Variants in KIF12 observed in about 807,000 individuals in gnomAD.
The protein encoded by KIF12 is kinesin family member 12, also known as kinesin-like protein KIF12.
Under a neutral mutation model 87.9 loss-of-function variants are expected in KIF12, and 80 were observed. That is an observed-to-expected ratio of 0.91 (90% confidence interval 0.76 to 1.10). The LOEUF is 1.10. KIF12 is among the 50% of genes least tolerant of loss of function. The pLI is 0.00. For missense variants in KIF12, 819 were observed against 865.3 expected (o/e 0.95, Z 0.67); for synonymous variants, 353 against 348.5 (o/e 1.01, Z -0.14).
chr9:114,098,457 G>GCACTCTGGAGGAGGGCGGGA, intron 3 of KIF12, 28 bp from the exon 4 acceptor site: 1 of 1,481,822 alleles, frequency 6.7e-7, no homozygotes, highest in Non-Finnish European at 8.9e-7. Flanking sequence ...GAGGAGCGGG[G>GCACTCTGGAGGAGGGCGGGA]CACTCTGGAG....
rs985225646 is a variant in KIF12, at chr9:114,093,221, T to C, written c.1596+8A>G. 2 of 1,549,104 alleles carry C rather than the reference T, an allele frequency of 1.3e-6. No homozygotes were observed. Among genetic ancestry groups the C allele is most frequent in the Non-Finnish European group, 1.7e-6 (2 of 1,144,718 alleles). The stretch of plus-strand genomic sequence containing the variant: ...GCCTTCCCTCACTCCCACCATGGCC[T>C]TTCCTACCTGGGGCAGGTGGTGCTC... On this transcript the variant is annotated splice_region_variant and intron_variant, in intron 16 of 18. Transcript: ENST00000640217.
In KIF12 at chr9:114,094,476, A is replaced by G. The variant is rs745813229; in HGVS notation, c.1120-21T>C. Reference sequence around the variant, plus strand: ...GGAGACTGTAGGGAAAGAGGCCCAGAGCCACCTTTATGGTTGTATAAGTCG... The same window carrying G: ...GGAGACTGTAGGGAAAGAGGCCCAGGGCCACCTTTATGGTTGTATAAGTCG... On this transcript the variant is annotated intron_variant, in intron 11 of 18. Transcript: ENST00000640217. 5.4e-6 allele frequency: 8 copies of G among 1,477,640 alleles called. No homozygotes were observed. The Admixed American group carries it at 1.2e-4, about 22-fold the overall frequency. The allele number at this position is 1,477,640 out of a possible 1,614,324, so 91.5% of individuals were successfully genotyped here. A position where few individuals can be genotyped will look rare whatever the true frequency, so the allele number is the denominator to read the frequency against.
rs776099603 is a variant in KIF12, at chr9:114,097,439, G to T, written c.511-3C>A. ...CCCAGGCTCAGCAAGTCCCGAACCTGGGAGGGGAGGGAGGAGGGTGAGGGA... is the reference window on the plus strand; with the variant it reads ...CCCAGGCTCAGCAAGTCCCGAACCTTGGAGGGGAGGGAGGAGGGTGAGGGA... On this transcript the variant is annotated splice_polypyrimidine_tract_variant and splice_region_variant and intron_variant, in intron 6 of 18. Transcript: ENST00000640217. 6.3e-7 allele frequency: 1 copy of T among 1,586,778 alleles called. No individual in the cohort carries two copies. Among genetic ancestry groups the T allele is most frequent in the South Asian group, 1.1e-5 (1 of 87,488 alleles).
rs1196877659 is a variant in KIF12, at chr9:114,093,448, G to A, written c.1450C>T (p.Pro484Ser). Reference protein sequence around the residue: ...YHHQQGPGLTPPCPCLMAPAP... With the variant: ...YHHQQGPGLTSPCPCLMAPAP... ...GGGGCCATCAAGCAGGGACACGGTG[G>A]GGTCAGGCCAGGACCCTGCTGGTGA... The change falls in exon 15 of 19, where the codon CCA becomes TCA. Residue 484 changes from proline (P) to serine (S), a missense_variant. By Grantham distance (74) the Pro-to-Ser change is moderately conservative (BLOSUM62 -1). Transcript: ENST00000640217. The A allele has an allele frequency of 6.4e-7, 1 of 1,570,436 alleles. No homozygotes were observed. Among genetic ancestry groups the A allele is most frequent in the Non-Finnish European group, 8.6e-7 (1 of 1,157,430 alleles).
chr9:114,096,284 T>C (rs1847225984), intron 8 of KIF12, 77 bp from the exon 9 acceptor site: 2 of 1,603,490 alleles, frequency 1.2e-6, no homozygotes, highest in Admixed American at 1.7e-5. Context: ...ACCAAGAGTT[T>C]CCATTATTAA....
chr9:114,093,609 C>T, intron 14 of KIF12, 112 bp from the exon 15 acceptor site: 3 of 927,080 alleles, frequency 3.2e-6, no homozygotes. Flanking sequence ...TACCGGGCCC[C>T]ATTCTCAAAG....
At chr9:114,093,721 G>A (rs973104675) in intron 14 of KIF12, among the ~76,000 whole-genome samples, 165 bp downstream of exon 14, 1 of 152,250 alleles carries the variant, frequency 6.6e-6, no homozygotes, top group Non-Finnish European at 1.5e-5. Flanking sequence ...GCAGTGAGAA[G>A]TTAAATGACT....
At chr9:114,098,245 G>T in intron 4 of KIF12, 55 bp from the exon 5 acceptor site, 3 of 1,521,906 alleles carry the variant, frequency 2.0e-6, no homozygotes, top group Non-Finnish European at 2.6e-6. Context: ...GTGGGGGCTG[G>T]GGGTGCTTCG....
rs541326702 is a variant in KIF12, at chr9:114,092,360, G to A, written c.1789C>T (p.Pro597Ser). The A allele has an allele frequency of 3.1e-6, 5 of 1,603,144 alleles. No homozygotes were observed. The highest frequency in any genetic ancestry group is 1.3e-5 in the African/African-American group (1 of 74,392). Reference sequence around the variant, plus strand: ...CTGAGCCCTGGTGATGTCTTCGGGGGCCTCACAGGCAGGGGAGGTGCAGAA... The same window carrying A: ...CTGAGCCCTGGTGATGTCTTCGGGGACCTCACAGGCAGGGGAGGTGCAGAA... ...VPSAPPLPVR[P>S]PKTSPGLRGG... The change falls in exon 18 of 19, where the codon CCC becomes TCC. Residue 597 changes from proline to serine, a missense_variant. Physicochemically the swap from Pro to Ser is moderately conservative, Grantham distance 74 (BLOSUM62 -1). Coordinates refer to ENST00000640217, the MANE Select transcript of KIF12 (RefSeq NM_001388308.1).
chr9:114,097,482 C>T, intron 6 of KIF12, 46 bp from the exon 7 acceptor site: 1 of 1,572,874 alleles, frequency 6.4e-7, no homozygotes, highest in Non-Finnish European at 8.6e-7. Flanking sequence ...CTTTCTGAGT[C>T]CACCCATCCC....
Position 114,092,432 on chromosome 9 carries a change from G to C in KIF12, c.1717C>G (p.Gln573Glu). The C allele has an allele frequency of 6.2e-7, 1 of 1,613,722 alleles. No homozygotes were observed. Among genetic ancestry groups the C allele is most frequent in the Non-Finnish European group, 8.5e-7 (1 of 1,179,884 alleles). ...PRERSHSDWT[Q>E]TRVLAEMLTE... ...AACATCTCTGCCAGGACTCGGGTCTGAGTCCAGTCACTGTGACTCCTGGGC... is the reference window on the plus strand; with the variant it reads ...AACATCTCTGCCAGGACTCGGGTCTCAGTCCAGTCACTGTGACTCCTGGGC... The change falls in exon 18 of 19, where the codon CAG becomes GAG. Residue 573 changes from glutamine (Q) to glutamate (E), a missense_variant. Transcript: ENST00000640217.
Position 114,096,385 on chromosome 9 carries a change from A to G in KIF12, c.738+2T>C. On this transcript the variant is annotated splice_donor_variant, in intron 8 of 18. Transcript: ENST00000640217. LOFTEE classifies it high-confidence loss of function. ...AGCACCTTCCCAGGCTGGAGCACTC[A>G]CAGTTTGACGGCTGATGTAAAGGGT... The G allele has an allele frequency of 6.2e-7, 1 of 1,612,124 alleles. No individual in the cohort carries two copies. The highest frequency in any genetic ancestry group is 8.5e-7 in the Non-Finnish European group (1 of 1,179,208).
chr9:114,098,230 C>G lies in KIF12; in HGVS notation c.300-40G>C, dbSNP rs1160169570. ...GGCGTGGCTGGACTCCGGCGGCTAC[C>G]CGGGGTGGGGGCTGGGGGTGCTTCG... is the stretch of plus-strand genomic sequence containing the variant. On this transcript the variant is annotated intron_variant, in intron 4 of 18. Transcript: ENST00000640217. 4 of 1,520,226 alleles carry G rather than the reference C, an allele frequency of 2.6e-6. No homozygotes were observed. The Admixed American group carries it at 8.2e-5, about 31-fold the overall frequency. The allele number at this position is 1,520,226 out of a possible 1,614,324, so 94.2% of individuals were successfully genotyped here.
chr9:114,098,246 G>T (rs915351208), intron 4 of KIF12, 56 bp from the exon 5 acceptor site: 1 of 1,521,730 alleles, frequency 6.6e-7, no homozygotes, highest in African/African-American at 1.4e-5. Flanking sequence ...TGGGGGCTGG[G>T]GGTGCTTCGG....
In KIF12 at chr9:114,093,011, C is replaced by T. The variant is rs554935082; in HGVS notation, c.1596+218G>A. The T allele has an allele frequency of 7.8e-6, 10 of 1,283,316 alleles. No homozygotes were observed. The East Asian group carries it at 1.3e-4, about 16-fold the overall frequency. 79.5% of individuals were successfully genotyped at this position (1,283,316 alleles called of 1,614,324 possible). On this transcript the variant is annotated intron_variant, in intron 16 of 18. Transcript: ENST00000640217. ...TGTGAGTGAATGAATAAGTGAATGA[C>T]AGAATGAATTCCTGGCCCTGACAGG... is the stretch of plus-strand genomic sequence containing the variant.
intron 9 of KIF12, among the ~76,000 whole-genome samples, chr9:114,095,540 A>G (rs1847187085): frequency 6.6e-6 from 1 of 152,204 alleles, no homozygotes; most frequent in Non-Finnish European, 1.5e-5. Context: ...CCTGACCCTC[A>G]ATGCCCAGCA....
rs774913341 is a variant in KIF12, at chr9:114,097,260, G to A, written c.646+41C>T. The A allele has an allele frequency of 5.6e-6, 9 of 1,594,380 alleles. No individual in the cohort carries two copies. In the Admixed American group the frequency reaches 1.7e-4, roughly 30 times the overall value. On this transcript the variant is annotated intron_variant, in intron 7 of 18. Transcript: ENST00000640217. Reference sequence around the variant, plus strand: ...CACACTCAGTGAACAACTGAGGAATGGGCACCCCTACCCGCAAAACTCCCC... The same window carrying A: ...CACACTCAGTGAACAACTGAGGAATAGGCACCCCTACCCGCAAAACTCCCC...
rs1222791389 is a variant in KIF12, at chr9:114,096,380, C to T, written c.738+7G>A. The stretch of plus-strand genomic sequence containing the variant: ...GGGTAAGCACCTTCCCAGGCTGGAG[C>T]ACTCACAGTTTGACGGCTGATGTAA... On this transcript the variant is annotated splice_region_variant and intron_variant, in intron 8 of 18. Coordinates refer to ENST00000640217, the MANE Select transcript of KIF12 (RefSeq NM_001388308.1). 2.5e-6 allele frequency: 4 copies of T among 1,611,470 alleles called. No homozygotes were observed. The highest frequency in any genetic ancestry group is 2.2e-5 in the South Asian group (2 of 90,366).
rs552884098 is a variant in KIF12 at position 114,096,889 on chromosome 9, T to C, written c.647-411A>G. Among the ~76,000 whole-genome samples the C allele has an allele frequency of 2.6e-5, 4 of 152,294 alleles. No homozygotes were observed. In the South Asian group the frequency reaches 8.3e-4, roughly 32 times the overall value. On this transcript the variant is annotated intron_variant, in intron 7 of 18. Coordinates refer to ENST00000640217, the MANE Select transcript of KIF12 (RefSeq NM_001388308.1). ...AAAAAAGAATGAGGCTGAAAGGGCC[T>C]TTAGGCTAGGCTAAGAGGTATGACC...
Sources: gnomAD v4.1 joint callset for allele counts (sites outside exome capture counted in the v4.1 genomes callset) on GRCh38, gnomAD v4.1.1 for gene constraint, MANE v1.5 for transcripts, NCBI Gene and HGNC (gene_info 2026-07-23, HGNC 2026-07-21) for gene names.